Variants in SEC16B observed in about 807,000 individuals in gnomAD.
The protein encoded by SEC16B is SEC16 homolog B, endoplasmic reticulum export factor.
Under a neutral mutation model 141.8 loss-of-function variants are expected in SEC16B, and 115 were observed. That is an observed-to-expected ratio of 0.81 (90% confidence interval 0.70 to 0.95). The LOEUF is 0.95. SEC16B is among the 40% of genes least tolerant of loss of function. The pLI, the probability that SEC16B is intolerant of heterozygous loss-of-function variation, is 0.00. For missense variants in SEC16B, 1,291 were observed against 1,312.3 expected, an observed-to-expected ratio of 0.98 and a Z score of 0.25; for synonymous variants, 493 against 492.5, an observed-to-expected ratio of 1.00 and a Z score of -0.01.
At chr1:177,942,177 T>C in intron 15 of SEC16B, 137 bp from the exon 16 acceptor site, 1 of 927,438 alleles carries the variant, frequency 1.1e-6, no homozygotes, top group Non-Finnish European at 1.6e-6. Flanking sequence ...GCTTGTGCCA[T>C]TTGGAGCATT....
At chr1:177,946,242 T>C (rs890018934) in intron 14 of SEC16B, 178 bp downstream of exon 14, 1 of 666,242 alleles carries the variant, frequency 1.5e-6, no homozygotes, top group Admixed American at 2.2e-5. Context: ...TGCTGTAATG[T>C]GGGGCCCACG....
intron 15 of SEC16B, 43 bp downstream of exon 15, chr1:177,944,518 C>T: frequency 6.7e-7 from 1 of 1,496,612 alleles, no homozygotes; most frequent in Non-Finnish European, 9.2e-7. Context: ...CTGCCTGCAG[C>T]TGCCTGACAG....
intron 15 of SEC16B, 39 bp downstream of exon 15, chr1:177,944,522 C>G: frequency 6.6e-7 from 1 of 1,524,458 alleles, no homozygotes. Flanking sequence ...CTGCAGCTGC[C>G]TGACAGTGAC....
chr1:177,968,169 A>G, intron 1 of SEC16B, 130 bp from the exon 2 acceptor site: 1 of 506,488 alleles, frequency 2.0e-6, no homozygotes, highest in East Asian at 2.9e-5. Flanking sequence ...ATGGTCACGG[A>G]TACAGAGAAA....
intron 9 of SEC16B, 159 bp from the exon 10 acceptor site, chr1:177,958,521 T>A (rs1258493100): frequency 1.6e-6 from 1 of 612,196 alleles, no homozygotes; most frequent in Non-Finnish European, 2.8e-6. Flanking sequence ...ATTTCAGACT[T>A]CAGCATCACT....
At chr1:177,980,768 AAAG>A (rs200323354) in intron 1 of SEC16B, among the ~76,000 whole-genome samples, 44 of 144,190 alleles carry the variant, frequency 3.1e-4, no homozygotes, top group Admixed American at 1.1e-3. Flanking sequence ...CGAAAAAAAA[AAAG>A]AAAGAAAGAA....
chr1:177,961,548 A>G, intron 6 of SEC16B, 42 bp downstream of exon 6: 1 of 1,568,538 alleles, frequency 6.4e-7, no homozygotes, highest in African/African-American at 1.4e-5. Flanking sequence ...CAGCCCTTCC[A>G]CATCAGATTC....
intron 10 of SEC16B, among the ~76,000 whole-genome samples, chr1:177,956,856 T>TGGC (rs1652640284): frequency 6.6e-6 from 1 of 152,214 alleles, no homozygotes; most frequent in Admixed American, 6.5e-5. Flanking sequence ...AAACAGACTC[T>TGGC]GGCTTAGATG....
chr1:177,944,645 T>C lies in SEC16B; in HGVS notation c.1797A>G (p.Ala599=), dbSNP rs747952758. Residue 599 remains alanine, a synonymous_variant, in exon 15 of 26, where the codon GCA becomes GCG. Coordinates refer to ENST00000308284, the MANE Select transcript of SEC16B (RefSeq NM_033127.4). ...CCGTCCTCTGGATTGCCTCAGTTGT[T>C]GCAAATTTCAAAAACTCTTGACTAA... The part of the protein sequence containing the change: ...SSHSQEFLKF[A]TTEAIQRTEI... 19 of 1,613,772 alleles carry C rather than the reference T, an allele frequency of 1.2e-5. No homozygotes were observed. The highest frequency in any genetic ancestry group is 1.5e-5 in the Non-Finnish European group (18 of 1,179,794).
chr1:177,972,455 G>A (rs769986590), upstream of SEC16B, among the ~76,000 whole-genome samples: 3 of 152,250 alleles, frequency 2.0e-5, no homozygotes, highest in Non-Finnish European at 4.4e-5. Flanking sequence ...GGACCAGAAT[G>A]AGTCTTGCCA....
chr1:177,934,945 G>T (rs1249124039), intron 20 of SEC16B, among the ~76,000 whole-genome samples: 1 of 151,962 alleles, frequency 6.6e-6, no homozygotes, highest in African/African-American at 2.4e-5. Context: ...TACCTCTGCT[G>T]CCCTCCAGCC....
intron 5 of SEC16B, 55 bp downstream of exon 5, chr1:177,964,116 G>T: frequency 7.7e-7 from 1 of 1,291,582 alleles, no homozygotes; most frequent in Non-Finnish European, 1.1e-6. Flanking sequence ...ACTGCTGACA[G>T]TGTCAGCTGC....
chr1:177,932,627 C>A, intron 23 of SEC16B, 58 bp from the exon 24 acceptor site: 2 of 1,501,812 alleles, frequency 1.3e-6, no homozygotes, highest in Non-Finnish European at 1.8e-6. Context: ...TCCCCACTCC[C>A]AGAAGGCACC....
intron 5 of SEC16B, among the ~76,000 whole-genome samples, chr1:177,962,402 A>T (rs1653147827): frequency 6.6e-6 from 1 of 151,268 alleles, no homozygotes; most frequent in Admixed American, 6.6e-5. Flanking sequence ...AGCACCTATT[A>T]TGCTCCAGGT....
At chr1:177,970,459 C>T (rs573178564), upstream of SEC16B, among the ~76,000 whole-genome samples, 1 of 152,184 alleles carries the variant, frequency 6.6e-6, no homozygotes, top group Non-Finnish European at 1.5e-5. Context: ...GGTAAGTATG[C>T]CCTGCAGATC....
chr1:177,959,070 G>T, intron 8 of SEC16B, 95 bp from the exon 9 acceptor site: 1 of 1,323,616 alleles, frequency 7.6e-7, no homozygotes, highest in Non-Finnish European at 1.1e-6. Flanking sequence ...GTGCTGGCTG[G>T]GCTGTGATTG....
At chr1:177,944,037 G>A (rs540176962) in intron 15 of SEC16B, among the ~76,000 whole-genome samples, 53 of 152,288 alleles carry the variant, frequency 3.5e-4, no homozygotes, top group African/African-American at 1.2e-3. Context: ...AGAAGAGGGC[G>A]GAAACCACAG....
At chr1:177,956,147 T>C (rs980225153) in intron 10 of SEC16B, among the ~76,000 whole-genome samples, 11 of 152,234 alleles carry the variant, frequency 7.2e-5, no homozygotes, top group African/African-American at 2.7e-4. Flanking sequence ...AATTTCATTA[T>C]GCATTATAAT....
intron 6 of SEC16B, 165 bp downstream of exon 6, chr1:177,961,425 C>T (rs750362978): frequency 3.1e-6 from 2 of 649,426 alleles, no homozygotes; most frequent in Non-Finnish European, 5.0e-6. Flanking sequence ...CTATTACAAG[C>T]AAAAAGAGAG....
Sources: allele counts gnomAD v4.1 joint callset (sites outside exome capture counted in the v4.1 genomes callset), GRCh38; gene constraint gnomAD v4.1.1; transcripts MANE v1.5; gene names NCBI Gene and HGNC (gene_info 2026-07-23, HGNC 2026-07-21).